Variants in ABCD3 observed in about 807,000 individuals in gnomAD.
ABCD3 encodes the protein ATP binding cassette subfamily D member 3, also known as ATP-binding cassette sub-family D member 3.
A neutral mutation model predicts 105.5 loss-of-function variants in ABCD3; 41 were observed. The observed-to-expected ratio is 0.39, with a 90% CI of 0.30 to 0.50. The LOEUF (loss-of-function observed/expected upper bound fraction) is 0.50. ABCD3 is among the 20% of genes least tolerant of loss of function. ABCD3 has a pLI of 0.84. For synonymous variants in ABCD3, 258 were observed against 269.0 expected (o/e 0.96, Z 0.40); for missense variants, 622 against 806.3 (o/e 0.77, Z 2.77).
At chr1:94,441,982 T>G (rs1202184458) in intron 1 of ABCD3, among the ~76,000 whole-genome samples, 1 of 152,186 alleles carries the variant, frequency 6.6e-6, no homozygotes. Flanking sequence ...TTCATGATTT[T>G]GATAATTGTA....
At chr1:94,420,615 G>A (rs948629239) in intron 1 of ABCD3, among the ~76,000 whole-genome samples, 3 of 152,082 alleles carry the variant, frequency 2.0e-5, no homozygotes, top group African/African-American at 7.2e-5. Context: ...TAATCATGAA[G>A]TTTAAATTGT....
chr1:94,435,632 ATGG>A, intron 1 of ABCD3, among the ~76,000 whole-genome samples: 1 of 152,326 alleles, frequency 6.6e-6, no homozygotes, highest in East Asian at 1.9e-4. Context: ...AGCTTGCAAT[ATGG>A]TGATATTTGA....
intron 1 of ABCD3, among the ~76,000 whole-genome samples, chr1:94,420,690 A>G (rs1469891076): frequency 2.6e-5 from 4 of 152,184 alleles, no homozygotes; most frequent in Non-Finnish European, 5.9e-5. Flanking sequence ...TTTTGTAGAT[A>G]TTGTACTTCC....
intron 21 of ABCD3, among the ~76,000 whole-genome samples, chr1:94,511,678 G>T (rs1650680449): frequency 6.6e-6 from 1 of 151,994 alleles, no homozygotes; most frequent in African/African-American, 2.4e-5. Flanking sequence ...TTTCTTGGAG[G>T]CTTTGCTCGT....
At chr1:94,433,841 G>T (rs1014402185) in intron 1 of ABCD3, among the ~76,000 whole-genome samples, 1 of 151,110 alleles carries the variant, frequency 6.6e-6, no homozygotes, top group Non-Finnish European at 1.5e-5. Flanking sequence ...TTAAAACGGG[G>T]TTTTGCCATG....
intron 4 of ABCD3, among the ~76,000 whole-genome samples, chr1:94,471,043 C>T (rs745804912): frequency 2.6e-5 from 4 of 152,090 alleles, no homozygotes; most frequent in Non-Finnish European, 5.9e-5. Context: ...AAGTAAGTGC[C>T]TTAAACACTT....
intron 21 of ABCD3, among the ~76,000 whole-genome samples, chr1:94,512,909 T>C (rs920704346): frequency 6.6e-6 from 1 of 152,102 alleles, no homozygotes; most frequent in Non-Finnish European, 1.5e-5. Context: ...AAAGGTCATA[T>C]TGAGTATATA....
chr1:94,506,734 C>G (rs1256512889), intron 21 of ABCD3, 92 bp downstream of exon 21: 15 of 870,012 alleles, frequency 1.7e-5, no homozygotes, highest in Non-Finnish European at 5.6e-6. Flanking sequence ...TTCCAGGTCA[C>G]TAAGTAACAA....
At position 94,475,237 on chromosome 1, in the gene ABCD3, T is replaced by A; in HGVS notation, c.500T>A (p.Leu167His). The stretch of plus-strand genomic sequence containing the variant: ...ACTAAATACCTCTATGAGGAGTATC[T>A]TCAGTAAGTGATAACCTATTTTTAT... ...RLTKYLYEEY[L>H]QAFTYYKMGN... The change falls in exon 6 of 23, where the codon CTT (leucine) becomes CAT (histidine). Residue 167 changes from leucine (L) to histidine (H), a missense_variant. By Grantham distance (99) the Leu-to-His change is moderately conservative. Around this residue, in one of 4 missense-constraint regions of ABCD3, gnomAD observed 245 missense variants for 356.4 expected, o/e 0.69. Transcript: ENST00000370214. The A allele has an allele frequency of 6.4e-7, 1 of 1,559,714 alleles. No homozygotes were observed. The highest frequency in any genetic ancestry group is 8.8e-7 in the Non-Finnish European group (1 of 1,140,382).
intron 10 of ABCD3, among the ~76,000 whole-genome samples, chr1:94,486,274 A>G (rs900360161): frequency 3.3e-5 from 5 of 152,152 alleles, no homozygotes; most frequent in African/African-American, 1.2e-4. Flanking sequence ...TTGAGCATCC[A>G]TGGATTTTGG....
the ABCD3 span, among the ~76,000 whole-genome samples, chr1:94,388,946 G>T: frequency 2.6e-5 from 4 of 151,718 alleles, no homozygotes; most frequent in Non-Finnish European, 5.9e-5. Flanking sequence ...TCTTAAAATT[G>T]CCCATCTGAG....
chr1:94,418,427 C>A lies in ABCD3; in HGVS notation c.-52C>A, dbSNP rs984641615. On this transcript the variant is annotated 5_prime_UTR_variant, in exon 1 of 23. Coordinates refer to ENST00000370214, the MANE Select transcript of ABCD3 (RefSeq NM_002858.4). Reference sequence around the variant, plus strand: ...GCGCTGCGTGCAGTAAGGTAGCCGCCGCCGCCGCCGCCGCCGCGTCCCCTC... The same window carrying A: ...GCGCTGCGTGCAGTAAGGTAGCCGCAGCCGCCGCCGCCGCCGCGTCCCCTC... 4.0e-6 allele frequency: 6 copies of A among 1,489,784 alleles called. No homozygotes were observed. The highest frequency in any genetic ancestry group is 2.4e-5 in the South Asian group (2 of 84,244). 92.3% of individuals were successfully genotyped at this position (1,489,784 alleles called of 1,614,324 possible).
the ABCD3 span, chr1:94,406,946 T>C: frequency 6.6e-6 from 1 of 152,606 alleles, no homozygotes; most frequent in Non-Finnish European, 1.5e-5. Flanking sequence ...CACTATCTAG[T>C]GGGGCTATAA....
intron 1 of ABCD3, among the ~76,000 whole-genome samples, chr1:94,450,405 C>T (rs1374912645): frequency 6.6e-6 from 1 of 152,226 alleles, no homozygotes; most frequent in East Asian, 1.9e-4. Flanking sequence ...GGCCATGATG[C>T]CCATGCTGAA....
intron 1 of ABCD3, among the ~76,000 whole-genome samples, chr1:94,438,287 C>CAT (rs1659981911): frequency 7.6e-6 from 1 of 130,840 alleles, no homozygotes; most frequent in Admixed American, 7.7e-5. Context: ...CTCCATCACA[C>CAT]ACACACACAC....
upstream of ABCD3, among the ~76,000 whole-genome samples, chr1:94,417,672 T>C (rs1659074405): frequency 6.6e-6 from 1 of 152,268 alleles, no homozygotes; most frequent in South Asian, 2.1e-4. Context: ...CCGCTGGCGA[T>C]ACATACGTGC....
intron 21 of ABCD3, among the ~76,000 whole-genome samples, chr1:94,509,817 G>A (rs1166540757): frequency 2.6e-5 from 4 of 152,148 alleles, no homozygotes; most frequent in African/African-American, 7.2e-5. Flanking sequence ...TTGTATTTTT[G>A]TGGGATCGGT....
chr1:94,484,429 C>A (rs553959721), intron 10 of ABCD3, among the ~76,000 whole-genome samples: 24 of 152,316 alleles, frequency 1.6e-4, no homozygotes, highest in African/African-American at 5.3e-4. Flanking sequence ...AAATGTGGCA[C>A]ATATACACCA....
chr1:94,433,281 A>G lies in ABCD3; in HGVS notation c.110+14693A>G, dbSNP rs1659761824. 4.6e-5 allele frequency among the ~76,000 whole-genome samples: 7 copies of G among 150,776 alleles called. 1 individual carries two copies. The South Asian group carries it at 1.5e-3, about 32-fold the overall frequency. ...GCGATTCTCCTGCCTCAGCCTCCTGAGTAGCTGGGATTACAGGCATGTGCC... is the reference window on the plus strand; with the variant it reads ...GCGATTCTCCTGCCTCAGCCTCCTGGGTAGCTGGGATTACAGGCATGTGCC... On this transcript the variant is annotated intron_variant, in intron 1 of 22. Transcript: ENST00000370214.
Sources: gnomAD v4.1 joint callset for allele counts (sites outside exome capture counted in the v4.1 genomes callset) on GRCh38, gnomAD v4.1.1 for gene constraint, gnomAD v4.1.1 regional missense constraint, MANE v1.5 for transcripts, NCBI Gene and HGNC (gene_info 2026-07-23, HGNC 2026-07-21) for gene names.